KLRG1: variants seen among roughly 807,000 people sequenced by gnomAD.
KLRG1 encodes the protein killer cell lectin-like receptor subfamily G member 1.
KLRG1 carries 16 observed loss-of-function variants against 21.8 expected under a neutral mutation model. That is an observed-to-expected ratio of 0.73 (90% CI 0.50 to 1.11). The LOEUF (loss-of-function observed/expected upper bound fraction) is 1.11. KLRG1 is among the 50% of genes most tolerant of loss of function. The probability of loss-of-function intolerance (pLI) is 0.00; values close to 1 mark genes in which losing one functional copy is unlikely to be tolerated. For missense variants in KLRG1, 173 were observed against 218.3 expected, an observed-to-expected ratio of 0.79 and a Z score of 1.31; for synonymous variants, 69 against 75.9, an observed-to-expected ratio of 0.91 and a Z score of 0.47.
intron 1 of KLRG1, among the ~76,000 whole-genome samples, chr12:8,953,430 G>A (rs779214960): frequency 9.9e-5 from 15 of 152,246 alleles, no homozygotes; most frequent in Non-Finnish European, 1.3e-4. Context: ...GAAAGGGTAG[G>A]TGTATATAAA....
chr12:9,143,600 C>T, the KLRG1 span, among the ~76,000 whole-genome samples: 4 of 152,058 alleles, frequency 2.6e-5, no homozygotes, highest in African/African-American at 9.7e-5. Context: ...AGAAGAAAGC[C>T]TGAATATTCA....
chr12:9,073,016 T>G, the KLRG1 span: 4 of 636,280 alleles, frequency 6.3e-6, no homozygotes, highest in African/African-American at 7.3e-5. Flanking sequence ...CAAGATTGAT[T>G]ATAATCTTTA....
the KLRG1 span, chr12:9,135,540 T>C: frequency 2.9e-6 from 1 of 350,026 alleles, no homozygotes; most frequent in Non-Finnish European, 5.4e-6. Flanking sequence ...AGGACGAATT[T>C]CTCTTGGGCA....
chr12:9,122,736 A>C, the KLRG1 span, among the ~76,000 whole-genome samples: 1 of 152,184 alleles, frequency 6.6e-6, no homozygotes, highest in Non-Finnish European at 1.5e-5. Flanking sequence ...TGTATAAGGT[A>C]TTATTGAAAG....
At chr12:9,165,392 C>T in the KLRG1 span, 2 of 1,612,756 alleles carry the variant, frequency 1.2e-6, no homozygotes, top group Non-Finnish European at 1.7e-6. Flanking sequence ...AAGTGAAGAA[C>T]AGAAATAATG....
At chr12:9,143,013 C>T in the KLRG1 span, among the ~76,000 whole-genome samples, 1 of 152,078 alleles carries the variant, frequency 6.6e-6, no homozygotes, top group Non-Finnish European at 1.5e-5. Context: ...TCCAGGAAAA[C>T]AAGATTTATG....
At chr12:9,199,610 C>G in the KLRG1 span, among the ~76,000 whole-genome samples, 1 of 151,916 alleles carries the variant, frequency 6.6e-6, no homozygotes, top group Admixed American at 6.6e-5. Context: ...ATTCTGCAAG[C>G]AAGACTTCTA....
the KLRG1 span, chr12:9,090,248 C>T: frequency 2.1e-5 from 32 of 1,531,574 alleles, no homozygotes; most frequent in African/African-American, 2.7e-5. Context: ...GGAAAAAAAT[C>T]GCAGCATCTA....
At chr12:9,050,995 G>T in the KLRG1 span, among the ~76,000 whole-genome samples, 6 of 152,172 alleles carry the variant, frequency 3.9e-5, no homozygotes, top group South Asian at 4.1e-4. Context: ...CCCCAGTAAG[G>T]CCCCACCTTC....
intron 1 of KLRG1, among the ~76,000 whole-genome samples, chr12:8,975,378 A>G (rs140449513): frequency 4.8e-4 from 73 of 152,126 alleles, no homozygotes; most frequent in African/African-American, 1.6e-3. Flanking sequence ...GTTATTCTCA[A>G]TTCAGTTTCA....
the KLRG1 span, among the ~76,000 whole-genome samples, chr12:9,144,676 G>T: frequency 6.6e-6 from 1 of 152,158 alleles, no homozygotes; most frequent in Non-Finnish European, 1.5e-5. Context: ...TAGGGTGAGA[G>T]AGCTTATCAC....
the KLRG1 span, chr12:9,181,905 T>C: frequency 5.3e-6 from 8 of 1,512,594 alleles, no homozygotes; most frequent in African/African-American, 1.1e-4. Flanking sequence ...TAGTTTTCTC[T>C]GGGGTAAAAT....
At chr12:8,991,865 T>A (rs1272613656) in intron 1 of KLRG1, among the ~76,000 whole-genome samples, 1 of 152,218 alleles carries the variant, frequency 6.6e-6, no homozygotes, top group African/African-American at 2.4e-5. Flanking sequence ...GGTCAAAGGG[T>A]ACATGCCTTT....
chr12:8,966,295 A>G (rs1946470694), intron 1 of KLRG1, among the ~76,000 whole-genome samples: 2 of 152,214 alleles, frequency 1.3e-5, no homozygotes, highest in Non-Finnish European at 2.9e-5. Flanking sequence ...CTTCATGTCT[A>G]AAACACCAAA....
At chr12:9,157,411 C>T in the KLRG1 span, 1 of 1,517,424 alleles carries the variant, frequency 6.6e-7, no homozygotes. Context: ...GCAGAGCAAG[C>T]TGAGAGCTGG....
intron 1 of KLRG1, among the ~76,000 whole-genome samples, chr12:8,957,802 C>T (rs954059521): frequency 6.6e-6 from 1 of 152,172 alleles, no homozygotes. Flanking sequence ...TGGGATGGAG[C>T]AGGACAGTGC....
In KLRG1 at chr12:8,954,157, T is replaced by C. The variant is rs774836498; in HGVS notation, c.-156+3921T>C. 2.4e-4 allele frequency among the ~76,000 whole-genome samples: 36 copies of C among 152,218 alleles called. 1 individual carries two copies. In the South Asian group the frequency reaches 6.2e-3, roughly 26 times the overall value. ...TCAGCATGAATGGACCTGGAGGACA[T>C]CATGCTGAGTGAAATAAGACACACA... On this transcript the variant is annotated intron_variant, in intron 1 of 4. Transcript: ENST00000539240.
At chr12:9,068,589 G>A in the KLRG1 span, 1 of 682,702 alleles carries the variant, frequency 1.5e-6, no homozygotes, top group South Asian at 1.9e-5. Context: ...GTATGTATAA[G>A]AGACAAAAAG....
the KLRG1 span, among the ~76,000 whole-genome samples, chr12:9,088,288 A>C: frequency 4.6e-5 from 7 of 152,000 alleles, no homozygotes; most frequent in East Asian, 1.3e-3. Context: ...TATTTTTGTA[A>C]AATTAGGTAG....
Sources: gnomAD v4.1 joint callset for allele counts (sites outside exome capture counted in the v4.1 genomes callset) on GRCh38, gnomAD v4.1.1 for gene constraint, MANE v1.5 for transcripts, NCBI Gene and HGNC (gene_info 2026-07-23, HGNC 2026-07-21) for gene names.